ACYP2: variants seen among roughly 807,000 people sequenced by gnomAD.
ACYP2 encodes acylphosphatase 2.
In ACYP2, 12 loss-of-function variants were observed where a neutral mutation model predicts 11.2. The observed-to-expected ratio is 1.08, with a 90% CI of 0.69 to 1.74. ACYP2 has a LOEUF of 1.74. Ranked by LOEUF, ACYP2 falls within the 40% of genes most tolerant of loss-of-function variation. The probability of loss-of-function intolerance (pLI) is 0.00; values close to 1 mark genes in which losing one functional copy is unlikely to be tolerated. For synonymous variants in ACYP2, 43 were observed against 32.2 expected, an observed-to-expected ratio of 1.33 and a Z score of -1.13; for missense variants, 134 against 101.9, an observed-to-expected ratio of 1.31 and a Z score of -1.35.
At chr2:54,232,996 C>G (rs1686306265) in intron 6 of ACYP2, among the ~76,000 whole-genome samples, 1 of 151,650 alleles carries the variant, frequency 6.6e-6, no homozygotes, top group Admixed American at 6.6e-5. Context: ...TAGAGGGTTT[C>G]TTTTAAAATT....
At chr2:54,051,168 G>A (rs1386241484) in intron 3 of ACYP2, 6 of 709,478 alleles carry the variant, frequency 8.5e-6, no homozygotes, top group African/African-American at 3.5e-5. Flanking sequence ...AACCAGACAG[G>A]CATTGGGCGA....
chr2:54,161,139 G>C (rs1682692974), intron 6 of ACYP2, among the ~76,000 whole-genome samples: 1 of 152,138 alleles, frequency 6.6e-6, no homozygotes, highest in Admixed American at 6.5e-5. Context: ...CCACATGAAA[G>C]CTTCAGAGCC....
intron 3 of ACYP2, chr2:54,051,908 G>A (rs932304738): frequency 2.5e-5 from 7 of 274,948 alleles, no homozygotes; most frequent in East Asian, 1.2e-4. Flanking sequence ...TTAGCTGGGC[G>A]TGGTAATGCA....
chr2:54,201,186 A>G (rs1451791560), intron 6 of ACYP2, among the ~76,000 whole-genome samples: 1 of 151,646 alleles, frequency 6.6e-6, no homozygotes, highest in African/African-American at 2.4e-5. Context: ...GCTCACTGCA[A>G]GCTCCGCCTC....
At chr2:54,135,507 T>C (rs1330889704) in intron 5 of ACYP2, 38 bp downstream of exon 2, 1 of 1,588,094 alleles carries the variant, frequency 6.3e-7, no homozygotes, top group Non-Finnish European at 8.6e-7. Flanking sequence ...GCTATTTTTT[T>C]TCCACTGTTA....
At chr2:54,272,690 G>T (rs1449159768) in intron 6 of ACYP2, among the ~76,000 whole-genome samples, 1 of 152,166 alleles carries the variant, frequency 6.6e-6, no homozygotes, top group African/African-American at 2.4e-5. Flanking sequence ...TCCTGAATAT[G>T]CATTATACAA....
chr2:54,071,445 C>G (rs963916219), intron 4 of ACYP2, among the ~76,000 whole-genome samples: 1 of 151,938 alleles, frequency 6.6e-6, no homozygotes, highest in African/African-American at 2.4e-5. Flanking sequence ...TTGCAGCATA[C>G]AAGATCAATT....
At chr2:54,113,195 AATG>A (rs1456455447) in intron 4 of ACYP2, among the ~76,000 whole-genome samples, 7 of 152,110 alleles carry the variant, frequency 4.6e-5, no homozygotes. Flanking sequence ...TTGTTCAGGG[AATG>A]ATGACAAGAA....
chr2:54,241,725 AGCTGAG>A (rs1686738033), intron 6 of ACYP2, among the ~76,000 whole-genome samples: 1 of 152,210 alleles, frequency 6.6e-6, no homozygotes, highest in Non-Finnish European at 1.5e-5. Context: ...AAAATATTTC[AGCTGAG>A]GCCAGGCGCA....
At chr2:54,052,205 C>G (rs1381046653) in intron 3 of ACYP2, among the ~76,000 whole-genome samples, 1 of 151,692 alleles carries the variant, frequency 6.6e-6, no homozygotes, top group Admixed American at 6.6e-5. Flanking sequence ...GCATTTAAGC[C>G]CCTTGTACAC....
intron 6 of ACYP2, chr2:54,141,864 G>A: frequency 3.2e-6 from 2 of 631,460 alleles, no homozygotes; most frequent in Admixed American, 2.2e-5. Flanking sequence ...TGAGACAAGG[G>A]TCTTGCTCTC....
chr2:54,219,793 G>C (rs933351934), intron 6 of ACYP2, among the ~76,000 whole-genome samples: 3 of 141,176 alleles, frequency 2.1e-5, no homozygotes, highest in Non-Finnish European at 4.7e-5. Context: ...TAATTTTTAT[G>C]TGTGTGTGTG....
chr2:54,229,224 G>C (rs1350207279), intron 6 of ACYP2, among the ~76,000 whole-genome samples: 1 of 152,192 alleles, frequency 6.6e-6, no homozygotes, highest in Non-Finnish European at 1.5e-5. Context: ...TCATGTAGCA[G>C]TGACATTAGA....
intron 4 of ACYP2, among the ~76,000 whole-genome samples, chr2:54,109,503 C>T (rs561291425): frequency 4.2e-4 from 64 of 152,148 alleles, no homozygotes; most frequent in African/African-American, 1.5e-3. Context: ...TCAGAAATCA[C>T]CACTAAAGAA....
rs1165426999 is a variant in ACYP2, at chr2:54,260,417, G to C, written c.405-44271G>C. On this transcript the variant is annotated intron_variant, in intron 6 of 6. Transcript: ENST00000607452. Reference sequence around the variant, plus strand: ...CATGAATTGGAAATGAGGCCCATCAGCATGGCTATGAATTTTTCTCCAGCC... The same window carrying C: ...CATGAATTGGAAATGAGGCCCATCACCATGGCTATGAATTTTTCTCCAGCC... 5.9e-5 allele frequency among the ~76,000 whole-genome samples: 9 copies of C among 152,278 alleles called. No individual in the cohort carries two copies. In the East Asian group the frequency reaches 9.6e-4, roughly 16 times the overall value.
chr2:54,016,401 C>G (rs1283004975), intron 2 of ACYP2, among the ~76,000 whole-genome samples: 3 of 151,316 alleles, frequency 2.0e-5, no homozygotes, highest in African/African-American at 7.3e-5. Context: ...ATTTATAAGG[C>G]TCAAATTTCT....
Position 54,020,712 on chromosome 2 carries a change from T to C in ACYP2, c.63-30246T>C, listed in dbSNP as rs115020944. ...CACAAAGCCTAAAATATTTATCATCTAAATATATACAGAAAAAGTTTACCA... is the reference window on the plus strand; with the variant it reads ...CACAAAGCCTAAAATATTTATCATCCAAATATATACAGAAAAAGTTTACCA... On this transcript the variant is annotated intron_variant, in intron 2 of 6. Coordinates refer to ENST00000607452, the MANE Select transcript of ACYP2 (RefSeq NM_001320586.2). 2.1e-3 allele frequency among the ~76,000 whole-genome samples: 324 copies of C among 152,366 alleles called. 2 individuals are homozygous for C. The highest frequency in any genetic ancestry group is 7.4e-3 in the African/African-American group (309 of 41,584).
At chr2:54,206,397 C>T (rs967976855) in intron 6 of ACYP2, among the ~76,000 whole-genome samples, 5 of 152,198 alleles carry the variant, frequency 3.3e-5, no homozygotes, top group Non-Finnish European at 1.5e-5. Context: ...CTCCTATCCA[C>T]TTAAAATTTA....
intron 6 of ACYP2, among the ~76,000 whole-genome samples, chr2:54,219,030 G>C (rs767373503): frequency 3.9e-5 from 6 of 152,074 alleles, no homozygotes; most frequent in Non-Finnish European, 7.4e-5. Context: ...TCTATATCTT[G>C]GATATGGAAT....
Sources: allele counts gnomAD v4.1 joint callset (sites outside exome capture counted in the v4.1 genomes callset), GRCh38; gene constraint gnomAD v4.1.1; transcripts MANE v1.5; gene names NCBI Gene and HGNC (gene_info 2026-07-23, HGNC 2026-07-21).